Variants in USP7 observed in about 807,000 individuals in gnomAD.
USP7 encodes the protein ubiquitin specific peptidase 7, also known as ubiquitin C-terminal hydrolase 7.
Under a neutral mutation model 162.9 loss-of-function variants are expected in USP7, and 9 were observed. The ratio of observed to expected loss-of-function variants is 0.06; its 90% confidence interval spans 0.03 to 0.10. The LOEUF (loss-of-function observed/expected upper bound fraction) is 0.10, where lower values mean the gene tolerates loss of function less well. USP7 is among the 10% of genes least tolerant of loss of function. The pLI, the probability that USP7 is intolerant of heterozygous loss-of-function variation, is 1.00. For missense variants in USP7, 715 were observed against 1,373.7 expected, an observed-to-expected ratio of 0.52 and a Z score of 7.58; for synonymous variants, 562 against 475.9, an observed-to-expected ratio of 1.18 and a Z score of -2.35.
intron 1 of USP7, among the ~76,000 whole-genome samples, chr16:8,957,429 G>A (rs928432161): frequency 1.3e-5 from 2 of 152,194 alleles, no homozygotes; most frequent in Admixed American, 6.5e-5. Flanking sequence ...GGATATCCAC[G>A]CTATTTGTTA....
chr16:8,934,037 C>T (rs1019919401), intron 1 of USP7, among the ~76,000 whole-genome samples: 3 of 152,182 alleles, frequency 2.0e-5, no homozygotes, highest in East Asian at 1.9e-4. Flanking sequence ...AGATTACAGG[C>T]GTGAAACACC....
chr16:8,910,211 AC>A (rs111984267), intron 11 of USP7, among the ~76,000 whole-genome samples: 2,759 of 152,216 alleles, frequency 0.018, 57 homozygotes, highest in East Asian at 0.07. Context: ...GCAGCCAGAA[AC>A]AGCCCATTTC....
At chr16:8,902,327 G>C (rs2141173822) in intron 17 of USP7, 54 bp downstream of exon 17, 1 of 1,580,608 alleles carries the variant, frequency 6.3e-7, no homozygotes, top group South Asian at 1.1e-5. Context: ...TAAGTGCAGA[G>C]GACTAACGCC....
At chr16:8,910,695 A>T (rs2061932587) in intron 11 of USP7, 50 bp downstream of exon 11, 1 of 1,529,810 alleles carries the variant, frequency 6.5e-7, no homozygotes. Context: ...AAGAATTGAA[A>T]ATAAAGAAGA....
At chr16:8,918,389 A>G (rs1281974777) in intron 6 of USP7, among the ~76,000 whole-genome samples, 4 of 152,248 alleles carry the variant, frequency 2.6e-5, no homozygotes, top group African/African-American at 9.6e-5. Flanking sequence ...AATTTTCAAT[A>G]AAAGTAAGTT....
chr16:8,961,347 C>A (rs1459115280), intron 1 of USP7, among the ~76,000 whole-genome samples: 1 of 151,882 alleles, frequency 6.6e-6, no homozygotes, highest in Non-Finnish European at 1.5e-5. Context: ...ACAAAAGTAG[C>A]CAGGCGTGGT....
At chr16:8,901,311 CAAAAAAACGAAAAA>C in intron 18 of USP7, 77 bp from the exon 19 acceptor site, 1 of 856,892 alleles carries the variant, frequency 1.2e-6, no homozygotes, top group Non-Finnish European at 1.7e-6. Flanking sequence ...AACAAACAAA[CAAAAAAACGAAAAA>C]AAAAAAACAG....
In USP7 at chr16:8,901,125, G is replaced by C. The variant is rs1426569388; in HGVS notation, c.2140+17C>G. ...TGAGCAAAATCTACTCAGAAGGTAA[G>C]TGCACGAAGGACTTACGTATTTTAC... On this transcript the variant is annotated intron_variant, in intron 19 of 30. Transcript: ENST00000344836. 1 of 1,612,860 alleles carries C rather than the reference G, an allele frequency of 6.2e-7. No individual in the cohort carries two copies. Among genetic ancestry groups the C allele is most frequent in the Non-Finnish European group, 8.5e-7 (1 of 1,178,832 alleles).
At chr16:8,915,039 G>C (rs539338975) in intron 10 of USP7, among the ~76,000 whole-genome samples, 4 of 152,216 alleles carry the variant, frequency 2.6e-5, no homozygotes, top group Non-Finnish European at 2.9e-5. Flanking sequence ...TGAGGAGAGG[G>C]GAGGTGGTGG....
intron 1 of USP7, among the ~76,000 whole-genome samples, 193 bp from the exon 2 acceptor site, chr16:8,930,590 A>G (rs1056203743): frequency 4.6e-5 from 7 of 152,226 alleles, no homozygotes; most frequent in Non-Finnish European, 7.3e-5. Flanking sequence ...GTTTCGAAAC[A>G]CTAAATGGAA....
chr16:8,944,028 T>C (rs1046355662), intron 1 of USP7, among the ~76,000 whole-genome samples: 1 of 151,978 alleles, frequency 6.6e-6, no homozygotes, highest in South Asian at 2.1e-4. Context: ...TGGGCAAACA[T>C]AGGGAGACCC....
At chr16:8,913,905 C>G (rs981522917) in intron 10 of USP7, among the ~76,000 whole-genome samples, 1 of 151,788 alleles carries the variant, frequency 6.6e-6, no homozygotes, top group East Asian at 1.9e-4. Flanking sequence ...CATGCCACCA[C>G]GCCCAGCTAA....
At chr16:8,923,074 C>T (rs1321366588) in intron 3 of USP7, 141 bp downstream of exon 3, 1 of 644,710 alleles carries the variant, frequency 1.6e-6, no homozygotes, top group Non-Finnish European at 2.7e-6. Context: ...GGATATTATA[C>T]ATATACCAGT....
At chr16:8,899,209 T>C (rs200922095) in intron 22 of USP7, 21 bp from the exon 23 acceptor site, 2 of 1,612,588 alleles carry the variant, frequency 1.2e-6, no homozygotes, top group East Asian at 2.2e-5. Context: ...GAAAGGAAGG[T>C]TCACATTTTG....
intron 1 of USP7, chr16:8,936,501 A>T: frequency 7.2e-7 from 1 of 1,389,672 alleles, no homozygotes; most frequent in East Asian, 2.7e-5. Flanking sequence ...AATATACTTC[A>T]GAAGTTTGGC....
chr16:8,923,528 CA>C (rs772193545), intron 2 of USP7, 115 bp from the exon 3 acceptor site: 59 of 1,138,320 alleles, frequency 5.2e-5, no homozygotes, highest in Non-Finnish European at 7.1e-5. Flanking sequence ...TAAAACCTAA[CA>C]GTTTGAAAAA....
intron 22 of USP7, 42 bp from the exon 23 acceptor site, chr16:8,899,230 G>C (rs752301571): frequency 6.2e-7 from 1 of 1,602,198 alleles, no homozygotes; most frequent in Admixed American, 1.7e-5. Context: ...GGGAAAAATT[G>C]AAACTTGGTC....
At chr16:8,907,041 G>A (rs2061871301) in intron 12 of USP7, among the ~76,000 whole-genome samples, 1 of 152,114 alleles carries the variant, frequency 6.6e-6, no homozygotes, top group Non-Finnish European at 1.5e-5. Context: ...AATTAACAGA[G>A]GCAGGAAGGC....
chr16:8,903,253 G>T lies in USP7; in HGVS notation c.1839+15C>A. The T allele has an allele frequency of 2.5e-6, 4 of 1,604,904 alleles. No individual in the cohort carries two copies. Among genetic ancestry groups the T allele is most frequent in the Non-Finnish European group, 3.4e-6 (4 of 1,174,528 alleles). The stretch of plus-strand genomic sequence containing the variant: ...GGGAGCCACGGTGGGGTATATCCAC[G>T]GGACCGGTACGCACCATGGTCTGAG... On this transcript the variant is annotated intron_variant, in intron 16 of 30. Coordinates refer to ENST00000344836, the MANE Select transcript of USP7 (RefSeq NM_003470.3).
Sources: allele counts gnomAD v4.1 joint callset (sites outside exome capture counted in the v4.1 genomes callset), GRCh38; gene constraint gnomAD v4.1.1; transcripts MANE v1.5; gene names NCBI Gene and HGNC (gene_info 2026-07-23, HGNC 2026-07-21).